PCNX1: variants seen among roughly 807,000 people sequenced by gnomAD.
The protein encoded by PCNX1 is pecanex-like protein 1.
In PCNX1, 78 loss-of-function variants were observed where a neutral mutation model predicts 242.2. The ratio of observed to expected loss-of-function variants is 0.32; its 90% CI spans 0.27 to 0.39. The LOEUF is 0.39. Ranked by LOEUF, PCNX1 falls within the 10% of genes least tolerant of loss-of-function variation. The probability of loss-of-function intolerance (pLI) is 1.00; values close to 1 mark genes in which losing one functional copy is unlikely to be tolerated. For synonymous variants in PCNX1, 1,024 were observed against 1,032.9 expected (o/e 0.99, Z 0.17); for missense variants, 2,581 against 2,856.5 (o/e 0.90, Z 2.20).
At chr14:70,909,851 G>T (rs2055744932) in intron 1 of PCNX1, among the ~76,000 whole-genome samples, 1 of 152,086 alleles carries the variant, frequency 6.6e-6, no homozygotes, top group Admixed American at 6.5e-5. Context: ...GTGCTGAGCT[G>T]TTCTTAATCA....
chr14:71,053,513 T>C, intron 24 of PCNX1: 2 of 331,126 alleles, frequency 6.0e-6, no homozygotes, highest in East Asian at 1.8e-4. Context: ...AGATGGGGTT[T>C]CACCATGTTG....
At chr14:70,960,371 G>A (rs1398477217) in intron 2 of PCNX1, among the ~76,000 whole-genome samples, 3 of 151,804 alleles carry the variant, frequency 2.0e-5, no homozygotes, top group Admixed American at 2.0e-4. Flanking sequence ...TAGGTCTAAC[G>A]TTTAAGTCTT....
intron 28 of PCNX1, among the ~76,000 whole-genome samples, chr14:71,082,370 A>G (rs1269224538): frequency 1.3e-5 from 2 of 152,178 alleles, no homozygotes; most frequent in Non-Finnish European, 2.9e-5. Flanking sequence ...GACATCTATT[A>G]GGTCTGCTTG....
chr14:70,988,812 T>G, intron 7 of PCNX1, 113 bp downstream of exon 7: 1 of 1,310,998 alleles, frequency 7.6e-7, no homozygotes. Flanking sequence ...TCCTTTCTGT[T>G]TCTTTCCTAT....
intron 1 of PCNX1, among the ~76,000 whole-genome samples, chr14:70,930,865 G>C (rs2056770458): frequency 6.6e-6 from 1 of 152,038 alleles, no homozygotes; most frequent in Admixed American, 6.6e-5. Context: ...CCTCTGAAAG[G>C]AGACTTCTAA....
chr14:71,043,568 A>G (rs1215332893), intron 19 of PCNX1, among the ~76,000 whole-genome samples: 1 of 129,974 alleles, frequency 7.7e-6, no homozygotes, highest in African/African-American at 3.0e-5. Context: ...GATCCATCTT[A>G]AAGTTGAGAA....
intron 30 of PCNX1, among the ~76,000 whole-genome samples, chr14:71,089,881 C>T (rs916862709): frequency 1.3e-5 from 2 of 152,080 alleles, no homozygotes; most frequent in Non-Finnish European, 2.9e-5. Flanking sequence ...TCTTTAAAAC[C>T]TGAACCTATG....
At chr14:71,071,848 T>TA (rs756584987) in intron 26 of PCNX1, among the ~76,000 whole-genome samples, 4 of 152,308 alleles carry the variant, frequency 2.6e-5, no homozygotes, top group South Asian at 4.1e-4. Flanking sequence ...CTTAAACACT[T>TA]AGAGGCCATT....
chr14:70,981,839 T>G (rs1258364845), intron 6 of PCNX1, among the ~76,000 whole-genome samples: 2 of 152,322 alleles, frequency 1.3e-5, no homozygotes, highest in Non-Finnish European at 1.5e-5. Context: ...ACTGTTGTTA[T>G]AGCATATTTT....
In PCNX1 at chr14:70,951,973, A is replaced by G. The variant is rs143953812; in HGVS notation, c.362+4850A>G. Among the ~76,000 whole-genome samples, 1,123 of 152,230 alleles carry G rather than the reference A, an allele frequency of 7.4e-3. 12 individuals are homozygous for G. The highest frequency in any genetic ancestry group is 0.025 in the African/African-American group (1,058 of 41,536). On this transcript the variant is annotated intron_variant, in intron 2 of 35. Transcript: ENST00000304743. ...TCTGTTAAGAAATGCATATTCGTAC[A>G]TTGTGGATAAGTGGACAGAATGTAG...
chr14:70,994,518 A>G (rs2059288423), intron 7 of PCNX1, among the ~76,000 whole-genome samples: 3 of 150,058 alleles, frequency 2.0e-5, no homozygotes. Context: ...AGAAACAATT[A>G]CATTGAATTC....
At chr14:71,057,141 G>T (rs1566756656) in intron 25 of PCNX1, among the ~76,000 whole-genome samples, 1 of 151,672 alleles carries the variant, frequency 6.6e-6, no homozygotes, top group African/African-American at 2.4e-5. Context: ...ATAGTCTTTT[G>T]TTCTTCTTCT....
At position 71,114,886 on chromosome 14, in the gene PCNX1, T is replaced by C. The variant is rs980290824; in HGVS notation, c.*4951T>C. On this transcript the variant is annotated 3_prime_UTR_variant, in exon 36 of 36. Coordinates refer to ENST00000304743, the MANE Select transcript of PCNX1 (RefSeq NM_014982.3). ...ATGACTCTTGGGTTTAGTGTACTTG[T>C]GATTGAACAAGATTTTTTATCTATG... 5 of 135,454 alleles carry C rather than the reference T, an allele frequency of 3.7e-5. No individual in the cohort carries two copies. Among genetic ancestry groups the C allele is most frequent in the African/African-American group, 1.4e-4 (5 of 36,952 alleles). 8.4% of individuals were successfully genotyped at this position (135,454 alleles called of 1,614,324 possible).
At chr14:71,058,459 A>C (rs1280674271) in intron 26 of PCNX1, among the ~76,000 whole-genome samples, 2 of 152,232 alleles carry the variant, frequency 1.3e-5, no homozygotes, top group African/African-American at 2.4e-5. Flanking sequence ...AACTGGTTTC[A>C]CAGGATGCTT....
At chr14:70,908,033 C>A in intron 1 of PCNX1, 30 bp downstream of exon 1, 1 of 1,529,116 alleles carries the variant, frequency 6.5e-7, no homozygotes, top group Non-Finnish European at 8.8e-7. Context: ...GCGGGTGGCT[C>A]CTTCCCCGCG....
At position 71,034,489 on chromosome 14, in the gene PCNX1, C is replaced by T. The variant is rs569572746; in HGVS notation, c.3774+453C>T. On this transcript the variant is annotated intron_variant, in intron 18 of 35. Coordinates refer to ENST00000304743, the MANE Select transcript of PCNX1 (RefSeq NM_014982.3). ...CTGAAAACTGTGTGTGTATTCTAGG[C>T]TGAAGGAGAGAACAATAACCTGTAT... Among the ~76,000 whole-genome samples the T allele has an allele frequency of 2.0e-5, 3 of 152,168 alleles. No homozygotes were observed. In the South Asian group the frequency reaches 6.2e-4, roughly 32 times the overall value.
rs1438561900 is a variant in PCNX1, at chr14:71,047,016, G to A, written c.4071G>A (p.Val1357=). 1 of 1,610,142 alleles carries A rather than the reference G, an allele frequency of 6.2e-7. No individual in the cohort carries two copies. The highest frequency in any genetic ancestry group is 1.3e-5 in the African/African-American group (1 of 74,774). The part of the protein sequence containing the change: ...FEKLHVWLLF[V]EKNIIYPLIV... ...AACTTCATGTGTGGCTTCTTTTTGT[G>A]GAGAAGAATATAATCTATCCATTGA... Residue 1357 remains valine (V), a synonymous_variant, in exon 21 of 36, where the codon GTG becomes GTA. Coordinates refer to ENST00000304743, the MANE Select transcript of PCNX1 (RefSeq NM_014982.3).
intron 2 of PCNX1, among the ~76,000 whole-genome samples, chr14:70,951,155 A>C (rs945966631): frequency 8.6e-5 from 13 of 151,918 alleles, no homozygotes; most frequent in Non-Finnish European, 4.4e-5. Flanking sequence ...TAAGTAACAA[A>C]TTTTTTCCCT....
At chr14:71,014,988 G>A (rs1035465174) in intron 11 of PCNX1, among the ~76,000 whole-genome samples, 1 of 152,082 alleles carries the variant, frequency 6.6e-6, no homozygotes, top group African/African-American at 2.4e-5. Flanking sequence ...GCAAGGATAA[G>A]GAAGACATCC....
Sources: allele counts gnomAD v4.1 joint callset (sites outside exome capture counted in the v4.1 genomes callset), GRCh38; gene constraint gnomAD v4.1.1; transcripts MANE v1.5; gene names NCBI Gene and HGNC (gene_info 2026-07-23, HGNC 2026-07-21).